TMEM230: variants seen among roughly 807,000 people sequenced by gnomAD.
TMEM230 encodes transmembrane protein 230.
In TMEM230, 10 loss-of-function variants were observed where a neutral mutation model predicts 15.8. That is an observed-to-expected ratio of 0.63 (90% CI 0.39 to 1.07). The LOEUF is 1.07. Among genes scored for constraint, TMEM230 ranks in the 50% least tolerant of loss-of-function variants. The probability of loss-of-function intolerance (pLI) is 0.01; values close to 1 mark genes in which losing one functional copy is unlikely to be tolerated. For missense variants in TMEM230, 165 were observed against 193.3 expected, an observed-to-expected ratio of 0.85 and a Z score of 0.87; for synonymous variants, 67 against 76.9, an observed-to-expected ratio of 0.87 and a Z score of 0.68.
chr20:5,087,422 T>A (rs2089373718), intron 3 of TMEM230, among the ~76,000 whole-genome samples: 1 of 151,750 alleles, frequency 6.6e-6, no homozygotes, highest in Non-Finnish European at 1.5e-5. Context: ...CAGATTTAGA[T>A]GATGAGCTGA....
chr20:5,081,267 C>A (rs892286083), intron 3 of TMEM230, among the ~76,000 whole-genome samples: 1 of 152,098 alleles, frequency 6.6e-6, no homozygotes, highest in Non-Finnish European at 1.5e-5. Context: ...TGTAAGTGGG[C>A]GGTGGGGGAT....
intron 3 of TMEM230, among the ~76,000 whole-genome samples, chr20:5,092,478 G>C (rs969840112): frequency 2.0e-5 from 3 of 152,164 alleles, no homozygotes; most frequent in African/African-American, 7.2e-5. Flanking sequence ...TGCACTTTGG[G>C]AGGCCGACGC....
intron 3 of TMEM230, among the ~76,000 whole-genome samples, chr20:5,088,493 T>A (rs1317265469): frequency 6.6e-6 from 1 of 151,950 alleles, no homozygotes; most frequent in African/African-American, 2.4e-5. Context: ...GTGGTTTTTT[T>A]AATCCTCCTG....
Position 5,106,175 on chromosome 20 carries a change from C to A in TMEM230, c.411+13G>T. 6.2e-7 allele frequency: 1 copy of A among 1,602,498 alleles called. No individual in the cohort carries two copies. The highest frequency in any genetic ancestry group is 8.5e-7 in the Non-Finnish European group (1 of 1,176,754). The stretch of plus-strand genomic sequence containing the variant: ...AAATCTCACAACTTATTCCCACATG[C>A]CCGTCAGCTTACCCCTTTGCTGATG... On this transcript the variant is annotated intron_variant, in intron 4 of 4. Coordinates refer to ENST00000342308, the MANE Select transcript of TMEM230 (RefSeq NM_001009923.2).
intron 3 of TMEM230, among the ~76,000 whole-genome samples, chr20:5,091,293 C>G (rs2089498469): frequency 6.6e-6 from 1 of 152,158 alleles, no homozygotes; most frequent in Non-Finnish European, 1.5e-5. Context: ...TCACGGCAAC[C>G]TCTGCCTCCC....
At chr20:5,100,993 G>A (rs1232812234) in intron 4 of TMEM230, 62 bp from the exon 4 acceptor site, 5 of 1,591,746 alleles carry the variant, frequency 3.1e-6, no homozygotes, top group South Asian at 1.1e-5. Context: ...AAAATAAAAC[G>A]TCACAGACCT....
chr20:5,063,241 TC>T (rs1306694410), downstream of TMEM230, among the ~76,000 whole-genome samples: 14 of 144,258 alleles, frequency 9.7e-5, no homozygotes, highest in Non-Finnish European at 1.8e-4. Flanking sequence ...TCCTCCTCCA[TC>T]CCCCTCAACA....
chr20:5,072,800 G>A (rs891652609), intron 3 of TMEM230, among the ~76,000 whole-genome samples: 2 of 133,584 alleles, frequency 1.5e-5, no homozygotes, highest in Non-Finnish European at 3.0e-5. Flanking sequence ...AGTGAGCCGA[G>A]ATCACGCCAT....
At chr20:5,067,751 GC>G (rs201703188), downstream of TMEM230, among the ~76,000 whole-genome samples, 2 of 68,212 alleles carry the variant, frequency 2.9e-5, no homozygotes, top group African/African-American at 1.1e-4. Context: ...TCCCCACCCA[GC>G]CCCCCTCTGC....
downstream of TMEM230, among the ~76,000 whole-genome samples, chr20:5,097,426 T>G (rs938953012): frequency 6.6e-6 from 1 of 152,148 alleles, no homozygotes; most frequent in African/African-American, 2.4e-5. Context: ...GAACATCCTT[T>G]AAAAAAGTTA....
chr20:5,102,345 C>CAG (rs1489367129), intron 4 of TMEM230, among the ~76,000 whole-genome samples: 12 of 152,056 alleles, frequency 7.9e-5, no homozygotes, highest in Admixed American at 7.9e-4. Flanking sequence ...AGTCTCTTAG[C>CAG]AGAGAGAAGC....
chr20:5,094,664 G>A (rs2089612894), intron 3 of TMEM230, among the ~76,000 whole-genome samples: 1 of 136,234 alleles, frequency 7.3e-6, no homozygotes, highest in Non-Finnish European at 1.5e-5. Context: ...CTGAGATCCC[G>A]CCACGGCACT....
chr20:5,084,557 TG>T (rs2089279758), intron 3 of TMEM230, among the ~76,000 whole-genome samples: 1 of 145,882 alleles, frequency 6.9e-6, no homozygotes, highest in African/African-American at 2.6e-5. Flanking sequence ...TTTTTTGAGA[TG>T]GAGTCTTGCT....
chr20:5,091,611 A>C (rs2089508899), intron 3 of TMEM230, among the ~76,000 whole-genome samples: 2 of 151,976 alleles, frequency 1.3e-5, no homozygotes, highest in Admixed American at 1.3e-4. Flanking sequence ...GGCTGACTGT[A>C]CTCATTTATT....
At chr20:5,106,790 C>T (rs754298942) in intron 3 of TMEM230, among the ~76,000 whole-genome samples, 1 of 152,168 alleles carries the variant, frequency 6.6e-6, no homozygotes. Flanking sequence ...ATTGCAGCCT[C>T]GAACTCCTGG....
intron 4 of TMEM230, 53 bp downstream of exon 3, chr20:5,106,135 T>C (rs1476568131): frequency 6.4e-7 from 1 of 1,573,056 alleles, no homozygotes; most frequent in East Asian, 2.3e-5. Context: ...ACTAGAGCCT[T>C]GGCTAACATT....
intron 3 of TMEM230, among the ~76,000 whole-genome samples, chr20:5,075,738 A>G (rs898156967): frequency 1.1e-4 from 17 of 152,062 alleles, no homozygotes; most frequent in African/African-American, 3.9e-4. Context: ...AATAATAATC[A>G]TAATAAATAA....
rs11906467 is a variant in TMEM230, at chr20:5,084,596, G to A, written c.223-15247C>T. Among the ~76,000 whole-genome samples the A allele has an allele frequency of 9.1e-3, 1,380 of 150,972 alleles. 28 individuals carry two copies. The highest frequency in any genetic ancestry group is 0.032 in the African/African-American group (1,304 of 41,062). Reference sequence around the variant, plus strand: ...GTTGCCCAGGCTGGAGTGCAGTGGCGCAATCTCTGCTCACTGCAACCTCCG... The same window carrying A: ...GTTGCCCAGGCTGGAGTGCAGTGGCACAATCTCTGCTCACTGCAACCTCCG... On this transcript the variant is annotated intron_variant, in intron 3 of 3. Coordinates refer to the TMEM230 transcript ENST00000612323.
chr20:5,112,578 G>T, intron 1 of TMEM230: 1 of 679,118 alleles, frequency 1.5e-6, no homozygotes, highest in Non-Finnish European at 2.0e-6. Context: ...ATAAAAACGA[G>T]CATTTTCAAA....
Sources: allele counts gnomAD v4.1 joint callset (sites outside exome capture counted in the v4.1 genomes callset), GRCh38; gene constraint gnomAD v4.1.1; transcripts MANE v1.5; gene names NCBI Gene and HGNC (gene_info 2026-07-23, HGNC 2026-07-21).